The following KDM3B variants were observed in gnomAD, a reference collection of about 807,000 sequenced individuals.
KDM3B encodes lysine-specific demethylase 3B.
KDM3B carries 10 observed loss-of-function variants against 170.0 expected under a neutral mutation model. That is an observed-to-expected ratio of 0.06 (90% CI 0.04 to 0.10). KDM3B has a LOEUF of 0.10. Among genes scored for constraint, KDM3B ranks in the 10% least tolerant of loss-of-function variants. The pLI is 1.00. For synonymous variants in KDM3B, 831 were observed against 834.8 expected (o/e 1.00, Z 0.08); for missense variants, 1,394 against 2,195.2 (o/e 0.64, Z 7.29).
chr5:138,394,500 G>A (rs1028852666), intron 9 of KDM3B, among the ~76,000 whole-genome samples: 11 of 152,218 alleles, frequency 7.2e-5, no homozygotes, highest in African/African-American at 2.4e-4. Context: ...CTGAGAAAGT[G>A]AGAGTTGAGG....
At position 138,362,264 on chromosome 5, in the gene KDM3B, C is replaced by T. The variant is rs903631468; in HGVS notation, c.192+9277C>T. ...CCTGGGAGGCAGAGGTTGCAGTGAG[C>T]CAAGATTGCACCACTGTACTCCAGC... On this transcript the variant is annotated intron_variant, in intron 1 of 23. Coordinates refer to ENST00000314358, the MANE Select transcript of KDM3B (RefSeq NM_016604.4). Among the ~76,000 whole-genome samples the T allele has an allele frequency of 6.6e-5, 10 of 151,576 alleles. No individual in the cohort carries two copies. In the East Asian group the frequency reaches 1.4e-3, roughly 21 times the overall value.
chr5:138,408,332 C>CTCTT (rs1372239056), intron 11 of KDM3B, among the ~76,000 whole-genome samples: 2 of 150,612 alleles, frequency 1.3e-5, no homozygotes, highest in East Asian at 3.9e-4. Context: ...GTTTTACTTT[C>CTCTT]TCTTTCTTTC....
At chr5:138,366,123 TTTTTTCCCC>T in intron 1 of KDM3B, among the ~76,000 whole-genome samples, 1 of 152,308 alleles carries the variant, frequency 6.6e-6, no homozygotes, top group Middle Eastern at 3.4e-3. Context: ...TGCAACTTGC[TTTTTTCCCC>T]TCACATAATA....
intron 4 of KDM3B, among the ~76,000 whole-genome samples, chr5:138,378,228 GT>G (rs1266348221): frequency 6.6e-6 from 1 of 151,846 alleles, no homozygotes; most frequent in Non-Finnish European, 1.5e-5. Flanking sequence ...TTGAGTTTTA[GT>G]TTTTTTTATT....
rs574585170 is a variant in KDM3B at position 138,387,576 on chromosome 5, C to T, written c.1380+955C>T. Among the ~76,000 whole-genome samples the T allele has an allele frequency of 2.6e-5, 4 of 152,234 alleles. No individual in the cohort carries two copies. The East Asian group carries it at 5.8e-4, about 22-fold the overall frequency. On this transcript the variant is annotated intron_variant, in intron 7 of 23. Coordinates refer to ENST00000314358, the MANE Select transcript of KDM3B (RefSeq NM_016604.4). ...AAACATGACAAACGTGACTTCTTTC[C>T]CTCCCCAACAAGTGCAGATTGTTAA...
rs949239540 is a variant in KDM3B at position 138,426,720 on chromosome 5, G to A, written c.4412-255G>A. The A allele has an allele frequency of 8.1e-5, 30 of 370,172 alleles. No individual in the cohort carries two copies. The Admixed American group carries it at 8.9e-4, about 11-fold the overall frequency. The allele number at this position is 370,172 out of a possible 1,614,324, so 22.9% of individuals were successfully genotyped here. A position where few individuals can be genotyped will look rare whatever the true frequency, so the allele number is the denominator to read the frequency against. ...AGCCTGGCCAACATGGCAAAACCCC[G>A]TCTCTACTAAAAATACAAAAATTAG... On this transcript the variant is annotated intron_variant, in intron 17 of 23. Transcript: ENST00000314358.
Position 138,391,056 on chromosome 5 carries a change from C to T in KDM3B, c.1424C>T (p.Pro475Leu), listed in dbSNP as rs1235055686. 1.3e-6 allele frequency: 2 copies of T among 1,598,322 alleles called. No individual in the cohort carries two copies. Among genetic ancestry groups the T allele is most frequent in the African/African-American group, 2.7e-5 (2 of 74,152 alleles). The change falls in exon 8 of 24, where the codon CCT becomes CTT. Residue 475 changes from proline to leucine, a missense_variant. Pro to Leu is a moderately conservative substitution (Grantham distance 98). Coordinates refer to ENST00000314358, the MANE Select transcript of KDM3B (RefSeq NM_016604.4). This position sits in a 1 kb window ranked among gnomAD's most constrained non-coding sequence, Gnocchi z 5.0. ...SILASSGFGA[P>L]LPSSSQPLTF... ...CTGGCCTCTTCTGGATTTGGAGCACCTCTCCCTAGTTCATCGCAACCTTTG... is the reference window on the plus strand; with the variant it reads ...CTGGCCTCTTCTGGATTTGGAGCACTTCTCCCTAGTTCATCGCAACCTTTG...
chr5:138,398,202 A>G lies in KDM3B; in HGVS notation c.2856A>G (p.Val952=), dbSNP rs17294563. ...FRRLIFTRKG[V]LRVEGFLSPQ... ...GGTTGATCTTCACTCGAAAAGGGGT[A>G]CTCCGTGTGGAGGGGTTTTTAAGCC... Residue 952 remains valine (V), a synonymous_variant, in exon 10 of 24, where the codon GTA becomes GTG. Coordinates refer to ENST00000314358, the MANE Select transcript of KDM3B (RefSeq NM_016604.4). The G allele has an allele frequency of 0.17, 278,221 of 1,612,612 alleles. 26,516 individuals carry two copies. Among genetic ancestry groups the G allele is most frequent in the South Asian group, 0.24 (21,872 of 90,992 alleles).
At position 138,381,561 on chromosome 5, in the gene KDM3B, C is replaced by T. The variant is rs1762126036; in HGVS notation, c.751C>T (p.Leu251=). 1.9e-6 allele frequency: 3 copies of T among 1,605,480 alleles called. No homozygotes were observed. Among genetic ancestry groups the T allele is most frequent in the African/African-American group, 1.3e-5 (1 of 74,876 alleles). ...AGATCCCAGACTAATCCATGTGATGCTGATGGATAATTCAGCGCCTCAAAG... is the reference window on the plus strand; with the variant it reads ...AGATCCCAGACTAATCCATGTGATGTTGATGGATAATTCAGCGCCTCAAAG... The part of the protein sequence containing the change: ...SVDPRLIHVM[L]MDNSAPQSEG... Residue 251 remains leucine, a synonymous_variant, in exon 6 of 24, where the codon CTG becomes TTG. Transcript: ENST00000314358.
At chr5:138,397,543 G>A (rs1356860168) in intron 9 of KDM3B, among the ~76,000 whole-genome samples, 1 of 151,604 alleles carries the variant, frequency 6.6e-6, no homozygotes, top group African/African-American at 2.4e-5. Flanking sequence ...CAATGAAAGT[G>A]GCTCTGTGTT....
rs559486977 is a variant in KDM3B at position 138,415,389 on chromosome 5, T to C, written c.3307+150T>C. The C allele has an allele frequency of 1.2e-4, 62 of 528,184 alleles. 1 individual carries two copies. In the South Asian group the frequency reaches 1.8e-3, roughly 15 times the overall value. The allele number at this position is 528,184 out of a possible 1,614,324, so 32.7% of individuals were successfully genotyped here. A position where few individuals can be genotyped will look rare whatever the true frequency, so the allele number is the denominator to read the frequency against. ...AGAATTTGGATCTTTATTATTATTATCATTATTATTATTGTTATTGAAGAG... is the reference window on the plus strand; with the variant it reads ...AGAATTTGGATCTTTATTATTATTACCATTATTATTATTGTTATTGAAGAG... On this transcript the variant is annotated intron_variant, in intron 12 of 23. Transcript: ENST00000314358.
chr5:138,389,388 A>C (rs1322192185), intron 7 of KDM3B, among the ~76,000 whole-genome samples: 1 of 148,808 alleles, frequency 6.7e-6, no homozygotes, highest in East Asian at 2.0e-4. Flanking sequence ...TTTAATTAAA[A>C]CTCTCTCCCC....
intron 6 of KDM3B, among the ~76,000 whole-genome samples, chr5:138,384,533 T>C (rs1482033128): frequency 6.6e-6 from 1 of 150,744 alleles, no homozygotes; most frequent in African/African-American, 2.4e-5. Context: ...AGGTCAGGAG[T>C]TCAAGACCAA....
Position 138,372,826 on chromosome 5 carries a change from A to T in KDM3B, c.345A>T (p.Ala115=). The change falls in exon 2 of 24, where the codon GCA becomes GCT. Residue 115 remains alanine, a synonymous_variant. Coordinates refer to ENST00000314358, the MANE Select transcript of KDM3B (RefSeq NM_016604.4). ...TCCAGGGCATTCGAGTCTCCATTGC[A>T]CAATGGCCAGCCCTGGTGAGTGGCT... ...VLLQGIRVSI[A]QWPALTFTPL... is the part of the protein sequence containing the mutation. 1 of 1,614,050 alleles carries T rather than the reference A, an allele frequency of 6.2e-7. No individual in the cohort carries two copies. Among genetic ancestry groups the T allele is most frequent in the Non-Finnish European group, 8.5e-7 (1 of 1,179,960 alleles).
In KDM3B at chr5:138,399,891, T is replaced by A; in HGVS notation, c.3078T>A (p.Gly1026=). 1 of 1,614,158 alleles carries A rather than the reference T, an allele frequency of 6.2e-7. No individual in the cohort carries two copies. Among genetic ancestry groups the A allele is most frequent in the Non-Finnish European group, 8.5e-7 (1 of 1,180,016 alleles). ...TGGCATGGAAGCGAGCTGTGCGTGG[T>A]GTACGGGAGATGTGTGATGTGTGTG... ...QKVAWKRAVR[G]VREMCDVCET... The change falls in exon 11 of 24, where the codon GGT becomes GGA. Residue 1026 remains glycine (G), a synonymous_variant. Transcript: ENST00000314358.
chr5:138,352,745 G>T lies in KDM3B; in HGVS notation c.-51G>T. ...GCGGGCGGATCGGGCGCTTGGCGGC[G>T]GAGGTGGTGGGAGGCGGCGGGCGGG... On this transcript the variant is annotated 5_prime_UTR_variant, in exon 1 of 24. Transcript: ENST00000314358. 8.4e-7 allele frequency: 1 copy of T among 1,189,942 alleles called. No homozygotes were observed. The highest frequency in any genetic ancestry group is 1.0e-6 in the Non-Finnish European group (1 of 962,456). 73.7% of individuals were successfully genotyped at this position (1,189,942 alleles called of 1,614,324 possible).
At chr5:138,431,096 C>CT (rs1763520264) in intron 22 of KDM3B, among the ~76,000 whole-genome samples, 1 of 151,822 alleles carries the variant, frequency 6.6e-6, no homozygotes, top group South Asian at 2.1e-4. Flanking sequence ...TTATGTATTT[C>CT]TTTTTTCCTT....
At position 138,379,714 on chromosome 5, in the gene KDM3B, ACT is replaced by A. The variant is rs762712931; in HGVS notation, c.705+9_705+10del. On this transcript the variant is annotated splice_region_variant and intron_variant, in intron 5 of 23. Coordinates refer to ENST00000314358, the MANE Select transcript of KDM3B (RefSeq NM_016604.4). ...TGGAGGTGTCTGTAACTGAGGTGAGACTCTGTGTTATTCTGTCTAAGGTCCAT... is the reference window on the plus strand; with the variant it reads ...TGGAGGTGTCTGTAACTGAGGTGAGACTGTGTTATTCTGTCTAAGGTCCAT... 6 of 1,611,676 alleles carry A rather than the reference ACT, an allele frequency of 3.7e-6. No homozygotes were observed. The Admixed American group carries it at 8.4e-5, about 23-fold the overall frequency.
At chr5:138,374,538 G>A (rs111830215) in intron 2 of KDM3B, among the ~76,000 whole-genome samples, 3,561 of 152,258 alleles carry the variant, frequency 0.023, 72 homozygotes, top group Middle Eastern at 0.037. Flanking sequence ...GATTACAGGC[G>A]TAGCCACTGC....
Sources: allele counts gnomAD v4.1 joint callset (sites outside exome capture counted in the v4.1 genomes callset), GRCh38; gene constraint gnomAD v4.1.1; non-coding constraint Gnocchi (gnomAD v3.1); transcripts MANE v1.5; gene names NCBI Gene and HGNC (gene_info 2026-07-23, HGNC 2026-07-21).